The following RUNX2 variants were observed in gnomAD, a reference collection of about 807,000 sequenced individuals.
RUNX2 encodes the protein RUNX family transcription factor 2.
Under a neutral mutation model 51.7 loss-of-function variants are expected in RUNX2, and 10 were observed. That is an observed-to-expected ratio of 0.19 (90% CI 0.12 to 0.33). RUNX2 has a LOEUF of 0.33. Ranked by LOEUF, RUNX2 falls within the 10% of genes least tolerant of loss-of-function variation. The probability of loss-of-function intolerance (pLI) is 1.00; values close to 1 mark genes in which losing one functional copy is unlikely to be tolerated. For missense variants in RUNX2, 562 were observed against 691.3 expected (o/e 0.81, Z 2.10); for synonymous variants, 276 against 273.6 (o/e 1.01, Z -0.09).
intron 5 of RUNX2, among the ~76,000 whole-genome samples, chr6:45,467,120 G>A (rs1021493008): frequency 1.3e-5 from 2 of 152,096 alleles, no homozygotes; most frequent in Non-Finnish European, 1.5e-5. Flanking sequence ...CCTTACTCTG[G>A]CCGACTTTCA....
At chr6:45,518,303 T>G (rs998594690) in intron 7 of RUNX2, among the ~76,000 whole-genome samples, 5 of 152,232 alleles carry the variant, frequency 3.3e-5, no homozygotes, top group Non-Finnish European at 7.3e-5. Context: ...TGTCAAAAAT[T>G]GAATGTTCCG....
rs62400364 is a variant in RUNX2, at chr6:45,511,088, G to T, written c.860-1158G>T. ...AAATTAGCATAAAAACGTGTTAAGA[G>T]AAATTTGGTTATGATTTTGTTTGAT... On this transcript the variant is annotated intron_variant, in intron 6 of 8. Coordinates refer to ENST00000647337, the MANE Select transcript of RUNX2 (RefSeq NM_001024630.4). 1.2e-3 allele frequency among the ~76,000 whole-genome samples: 179 copies of T among 152,300 alleles called. 1 individual carries two copies. The highest frequency in any genetic ancestry group is 1.9e-3 in the Non-Finnish European group (132 of 68,008).
chr6:45,469,371 C>T (rs1308860327), intron 5 of RUNX2, among the ~76,000 whole-genome samples: 1 of 152,154 alleles, frequency 6.6e-6, no homozygotes, highest in Non-Finnish European at 1.5e-5. Flanking sequence ...TTTATTTTAA[C>T]ATTTAAAACT....
chr6:45,365,350 T>C (rs748948937), intron 2 of RUNX2: 18 of 1,210,130 alleles, frequency 1.5e-5, no homozygotes, highest in Admixed American at 2.2e-5. Flanking sequence ...TAGCTATAAG[T>C]AAATGCAAAA....
chr6:45,352,089 T>C (rs1792179403), intron 2 of RUNX2, among the ~76,000 whole-genome samples: 2 of 152,230 alleles, frequency 1.3e-5, no homozygotes, highest in South Asian at 2.1e-4. Flanking sequence ...TAATTAGGCA[T>C]AGCTGAAAAT....
At chr6:45,333,838 G>T (rs1214916990) in intron 2 of RUNX2, among the ~76,000 whole-genome samples, 1 of 150,874 alleles carries the variant, frequency 6.6e-6, no homozygotes, top group African/African-American at 2.4e-5. Context: ...TACACCCAAG[G>T]AACAAAAATC....
chr6:45,370,937 A>G (rs1467987283), intron 2 of RUNX2, among the ~76,000 whole-genome samples: 1 of 152,230 alleles, frequency 6.6e-6, no homozygotes, highest in African/African-American at 2.4e-5. Context: ...TTTCTTTGCA[A>G]AAACAGTCCC....
At chr6:45,443,883 A>AT (rs1798912237) in intron 5 of RUNX2, among the ~76,000 whole-genome samples, 1 of 151,878 alleles carries the variant, frequency 6.6e-6, no homozygotes, top group Admixed American at 6.6e-5. Context: ...AATTTTTAAA[A>AT]TTTTTTTTCG....
At chr6:45,362,989 T>TAATAAA (rs1794527028) in intron 2 of RUNX2, among the ~76,000 whole-genome samples, 1 of 152,070 alleles carries the variant, frequency 6.6e-6, no homozygotes, top group Non-Finnish European at 1.5e-5. Flanking sequence ...TATTTTATTT[T>TAATAAA]TAATTTTGGT....
At chr6:45,485,693 GTGTGTA>G (rs989335347) in intron 5 of RUNX2, among the ~76,000 whole-genome samples, 5 of 101,868 alleles carry the variant, frequency 4.9e-5, no homozygotes, top group African/African-American at 1.6e-4. Flanking sequence ...GTGTGTGTGT[GTGTGTA>G]TATATATATA....
rs77749086 is a variant in RUNX2, at chr6:45,437,276, G to C, written c.581-671G>C. Among the ~76,000 whole-genome samples the C allele has an allele frequency of 1.6e-3, 244 of 152,250 alleles. 1 individual carries two copies. The highest frequency in any genetic ancestry group is 0.01 in the Middle Eastern group (3 of 294). ...GTCATGTTCATTTAGCAAAAAGTAA[G>C]TCGCTGTCAGGGGGTTATTTCAAGA... On this transcript the variant is annotated intron_variant, in intron 4 of 8. Transcript: ENST00000647337.
chr6:45,342,000 T>C (rs1400444270), intron 2 of RUNX2, among the ~76,000 whole-genome samples: 1 of 151,784 alleles, frequency 6.6e-6, no homozygotes, highest in Non-Finnish European at 1.5e-5. Flanking sequence ...TAACCTAGCA[T>C]TAAAAAAAAA....
intron 6 of RUNX2, among the ~76,000 whole-genome samples, chr6:45,493,730 C>CTGTG (rs34362546): frequency 0.016 from 2,390 of 147,048 alleles, 36 homozygotes; most frequent in African/African-American, 0.045. Flanking sequence ...AATCCTTAGA[C>CTGTG]TGTGTGTGTG....
chr6:45,387,357 C>T (rs1330268401), intron 2 of RUNX2, among the ~76,000 whole-genome samples: 1 of 152,124 alleles, frequency 6.6e-6, no homozygotes, highest in Non-Finnish European at 1.5e-5. Flanking sequence ...AGTGGCTGCA[C>T]ATTTAGGTTT....
At chr6:45,354,235 C>A (rs1743520030) in intron 2 of RUNX2, among the ~76,000 whole-genome samples, 1 of 151,882 alleles carries the variant, frequency 6.6e-6, no homozygotes, top group Non-Finnish European at 1.5e-5. Context: ...CTGGACAAAA[C>A]CTAATTACTT....
In RUNX2 at chr6:45,547,010, C is replaced by T; in HGVS notation, c.1271C>T (p.Pro424Leu). 1.2e-6 allele frequency: 2 copies of T among 1,614,094 alleles called. No homozygotes were observed. Among genetic ancestry groups the T allele is most frequent in the Non-Finnish European group, 1.7e-6 (2 of 1,180,032 alleles). ...ATTHYHTYLP[P>L]PYPGSSQSQS... ...ACTCACTACCACACCTACCTGCCAC[C>T]ACCCTACCCCGGCTCTTCCCAAAGC... The change falls in exon 9 of 9, where the codon CCA becomes CTA. Residue 424 changes from proline (P) to leucine (L), a missense_variant. By Grantham distance (98) the Pro-to-Leu change is moderately conservative. Transcript: ENST00000647337.
At chr6:45,404,572 G>A (rs921542920) in intron 2 of RUNX2, among the ~76,000 whole-genome samples, 9 of 152,056 alleles carry the variant, frequency 5.9e-5, no homozygotes, top group Admixed American at 2.6e-4. Context: ...TGTATTAATC[G>A]ATTCTTTAAA....
At chr6:45,483,458 C>T (rs1486697710) in intron 5 of RUNX2, among the ~76,000 whole-genome samples, 1 of 151,862 alleles carries the variant, frequency 6.6e-6, no homozygotes, top group Non-Finnish European at 1.5e-5. Flanking sequence ...TGTGTGACTT[C>T]TCTGTACCTA....
At chr6:45,536,951 A>G (rs1327248023) in intron 7 of RUNX2, among the ~76,000 whole-genome samples, 1 of 152,056 alleles carries the variant, frequency 6.6e-6, no homozygotes. Flanking sequence ...TTGATTCTCA[A>G]TTTATGTATT....
Sources: allele counts gnomAD v4.1 joint callset (sites outside exome capture counted in the v4.1 genomes callset), GRCh38; gene constraint gnomAD v4.1.1; transcripts MANE v1.5; gene names NCBI Gene and HGNC (gene_info 2026-07-23, HGNC 2026-07-21).